The following ATG7 variants were observed in gnomAD, a reference collection of about 807,000 sequenced individuals.
The protein encoded by ATG7 is ubiquitin-like modifier-activating enzyme ATG7.
In ATG7, 70 loss-of-function variants were observed where a neutral mutation model predicts 82.4. The observed-to-expected ratio is 0.85, with a 90% CI of 0.70 to 1.04. The LOEUF is 1.04. Ranked by LOEUF, ATG7 falls within the 50% of genes least tolerant of loss-of-function variation. The pLI, the probability that ATG7 is intolerant of heterozygous loss-of-function variation, is 0.00. For synonymous variants in ATG7, 287 were observed against 313.0 expected, an observed-to-expected ratio of 0.92 and a Z score of 0.88; for missense variants, 792 against 864.3, an observed-to-expected ratio of 0.92 and a Z score of 1.05.
At chr3:11,558,454 T>TGCCC, downstream of ATG7, 1 of 1,064,154 alleles carries the variant, frequency 9.4e-7, no homozygotes, top group Non-Finnish European at 1.3e-6. Flanking sequence ...TCCCTTCCCT[T>TGCCC]CCCCCCACCC....
Position 11,405,816 on chromosome 3 carries a change from C to T in ATG7, c.1957-20988C>T, listed in dbSNP as rs113974008. Among the ~76,000 whole-genome samples the T allele has an allele frequency of 1.9e-4, 29 of 151,416 alleles. No individual in the cohort carries two copies. In the South Asian group the frequency reaches 2.1e-3, roughly 11 times the overall value. ...ATAATTTTTTGTAGAGATGGGGTTT[C>T]GCTGTGTTTCCCAGGCTGGTCCTAA... On this transcript the variant is annotated intron_variant, in intron 19 of 20. Coordinates refer to ENST00000693202, the MANE Select transcript of ATG7 (RefSeq NM_001349232.2).
At chr3:11,299,256 G>T in intron 4 of ATG7, 106 bp from the exon 5 acceptor site, 1 of 1,083,874 alleles carries the variant, frequency 9.2e-7, no homozygotes, top group South Asian at 1.3e-5. Context: ...AATTGGATGG[G>T]GCGCCTTGGG....
intron 11 of ATG7, among the ~76,000 whole-genome samples, chr3:11,334,872 G>A (rs1461552703): frequency 6.8e-6 from 1 of 147,268 alleles, no homozygotes; most frequent in Non-Finnish European, 1.5e-5. Context: ...CAGAAGAATC[G>A]CTTGAACCTG....
chr3:11,515,787 G>A (rs192151465), intron 20 of ATG7, among the ~76,000 whole-genome samples: 1 of 152,210 alleles, frequency 6.6e-6, no homozygotes, highest in East Asian at 1.9e-4. Flanking sequence ...AAAGAGTGTA[G>A]GTACAGTTTA....
chr3:11,475,388 T>A (rs1222230314), intron 20 of ATG7, among the ~76,000 whole-genome samples: 3 of 151,870 alleles, frequency 2.0e-5, no homozygotes, highest in African/African-American at 7.3e-5. Flanking sequence ...CATTCCTTAG[T>A]GAGGAAAGGG....
rs150072901 is a variant in ATG7 at position 11,481,801 on chromosome 3, G to A, written c.2079+54875G>A. The stretch of plus-strand genomic sequence containing the variant: ...TGCCTCTGCCTTTGAGTAGGGGTGT[G>A]GCTGTGCACCAGTCATTTAATCTTT... On this transcript the variant is annotated intron_variant, in intron 20 of 20. Transcript: ENST00000693202. Among the ~76,000 whole-genome samples, 778 of 152,280 alleles carry A rather than the reference G, an allele frequency of 5.1e-3. 8 individuals are homozygous for A. The highest frequency in any genetic ancestry group is 0.018 in the African/African-American group (736 of 41,548).
chr3:11,404,219 T>C (rs1385360472), intron 19 of ATG7, among the ~76,000 whole-genome samples: 1 of 132,290 alleles, frequency 7.6e-6, no homozygotes, highest in Non-Finnish European at 1.6e-5. Flanking sequence ...CACTGCAACC[T>C]CCATCTCCCG....
chr3:11,521,290 A>T (rs1020039539), intron 20 of ATG7, among the ~76,000 whole-genome samples: 16 of 152,184 alleles, frequency 1.1e-4, no homozygotes, highest in Middle Eastern at 3.2e-3. Flanking sequence ...GACAAAGACC[A>T]GGGGAAAGCA....
At chr3:11,564,405 A>T in the ATG7 span, among the ~76,000 whole-genome samples, 1 of 151,098 alleles carries the variant, frequency 6.6e-6, no homozygotes, top group Non-Finnish European at 1.5e-5. Context: ...GAAACGTAGG[A>T]CCCCCCCACC....
intron 20 of ATG7, among the ~76,000 whole-genome samples, chr3:11,528,412 G>A (rs1428463029): frequency 2.0e-5 from 3 of 152,074 alleles, no homozygotes; most frequent in Non-Finnish European, 2.9e-5. Context: ...AGATGGTCAC[G>A]TACCTCCTAT....
intron 20 of ATG7, among the ~76,000 whole-genome samples, chr3:11,433,318 T>G (rs1297982504): frequency 7.4e-6 from 1 of 134,658 alleles, no homozygotes. Context: ...AAAAAAAAGC[T>G]GCGTTTGTTG....
In ATG7 at chr3:11,313,382, G is replaced by C. The variant is rs1186408034; in HGVS notation, c.490G>C (p.Gly164Arg). The change falls in exon 8 of 21, where the codon GGG becomes CGG. Residue 164 changes from glycine (G) to arginine (R), a missense_variant. Coordinates refer to ENST00000693202, the MANE Select transcript of ATG7 (RefSeq NM_001349232.2). ...CLPESLPLIQ[G>R]PVGLDQRFSL... ...TCCAGAGAGTTTACCTCTCATTCAG[G>C]GGCCAGTGGGTTTGGATCAAAGGTT... 1.2e-6 allele frequency: 2 copies of C among 1,612,032 alleles called. No homozygotes were observed. Among genetic ancestry groups the C allele is most frequent in the Non-Finnish European group, 1.7e-6 (2 of 1,178,918 alleles).
chr3:11,553,378 T>C (rs1311099829), intron 20 of ATG7, among the ~76,000 whole-genome samples: 1 of 151,014 alleles, frequency 6.6e-6, no homozygotes, highest in Non-Finnish European at 1.5e-5. Flanking sequence ...TACATGAATG[T>C]GTGTTCGTTG....
In ATG7 at chr3:11,503,176, A is replaced by G. The variant is rs182713958; in HGVS notation, c.2080-51635A>G. Among the ~76,000 whole-genome samples the G allele has an allele frequency of 4.9e-3, 748 of 152,298 alleles. 5 individuals carry two copies. Among genetic ancestry groups the G allele is most frequent in the African/African-American group, 0.017 (717 of 41,546 alleles). ...AGTTGTCGGGGGCTCTTTGAATGAC[A>G]GTCGGCCAGATGACCCTATACTGAA... On this transcript the variant is annotated intron_variant, in intron 20 of 20. Transcript: ENST00000693202.
intron 18 of ATG7, among the ~76,000 whole-genome samples, chr3:11,379,044 T>A (rs2077673327): frequency 6.6e-6 from 1 of 152,122 alleles, no homozygotes; most frequent in Admixed American, 6.5e-5. Context: ...CGGGGGCAGG[T>A]TCACATCAGG....
At chr3:11,495,897 T>C (rs1374496842) in intron 20 of ATG7, among the ~76,000 whole-genome samples, 1 of 152,220 alleles carries the variant, frequency 6.6e-6, no homozygotes, top group Non-Finnish European at 1.5e-5. Context: ...ATATATATAA[T>C]GGATGTTAAC....
At chr3:11,328,976 C>T (rs562164151) in intron 9 of ATG7, among the ~76,000 whole-genome samples, 2 of 152,222 alleles carry the variant, frequency 1.3e-5, no homozygotes, top group East Asian at 3.9e-4. Flanking sequence ...TGTCTGTAGT[C>T]CCAGGAACTA....
At chr3:11,437,748 A>G (rs1288084828) in intron 20 of ATG7, among the ~76,000 whole-genome samples, 2 of 152,192 alleles carry the variant, frequency 1.3e-5, no homozygotes, top group Non-Finnish European at 2.9e-5. Flanking sequence ...CAGTTCGCAT[A>G]TATACTTGCT....
chr3:11,456,887 T>G (rs1331421819), intron 20 of ATG7, among the ~76,000 whole-genome samples: 1 of 152,212 alleles, frequency 6.6e-6, no homozygotes, highest in Non-Finnish European at 1.5e-5. Context: ...ACTGGATGTG[T>G]AAGTAGTTGG....
Sources: allele counts gnomAD v4.1 joint callset (sites outside exome capture counted in the v4.1 genomes callset), GRCh38; gene constraint gnomAD v4.1.1; transcripts MANE v1.5; gene names NCBI Gene and HGNC (gene_info 2026-07-23, HGNC 2026-07-21).